The following WDR59 variants were observed in gnomAD, a reference collection of about 807,000 sequenced individuals.
The protein encoded by WDR59 is GATOR2 complex protein WDR59.
A neutral mutation model predicts 131.2 loss-of-function variants in WDR59; 100 were observed. The ratio of observed to expected loss-of-function variants is 0.76; its 90% CI spans 0.65 to 0.90. The LOEUF (loss-of-function observed/expected upper bound fraction) is 0.90, where lower values mean the gene tolerates loss of function less well. Among genes scored for constraint, WDR59 ranks in the 40% least tolerant of loss-of-function variants. WDR59 has a pLI of 0.00. For missense variants in WDR59, 1,203 were observed against 1,262.2 expected, an observed-to-expected ratio of 0.95 and a Z score of 0.71; for synonymous variants, 601 against 466.2, an observed-to-expected ratio of 1.29 and a Z score of -3.72.
rs1965767197 is a variant in WDR59, at chr16:74,905,592, G to A, written c.1713-1492C>T. Reference sequence around the variant, plus strand: ...AGCTACTCGGGAGGCTGAGGCAGAAGAATGGCATCAACCTGAGAGGTGGAG... The same window carrying A: ...AGCTACTCGGGAGGCTGAGGCAGAAAAATGGCATCAACCTGAGAGGTGGAG... On this transcript the variant is annotated intron_variant, in intron 17 of 25. Transcript: ENST00000262144. 1.3e-5 allele frequency among the ~76,000 whole-genome samples: 2 copies of A among 151,506 alleles called. 1 individual carries two copies. Among genetic ancestry groups the A allele is most frequent in the Admixed American group, 1.3e-4 (2 of 15,208 alleles).
At chr16:74,902,868 G>C (rs188971999) in intron 18 of WDR59, among the ~76,000 whole-genome samples, 61 of 152,090 alleles carry the variant, frequency 4.0e-4, no homozygotes, top group Non-Finnish European at 2.9e-5. Flanking sequence ...TAGCCAAGTG[G>C]GCAGAATTCC....
At chr16:74,935,251 G>A (rs1172331714) in intron 8 of WDR59, among the ~76,000 whole-genome samples, 2 of 151,864 alleles carry the variant, frequency 1.3e-5, no homozygotes, top group Admixed American at 1.3e-4. Flanking sequence ...AATGTACCAA[G>A]TGACTATGTC....
chr16:74,940,380 CAA>C (rs1171260871), intron 7 of WDR59, among the ~76,000 whole-genome samples: 3 of 101,498 alleles, frequency 3.0e-5, no homozygotes, highest in Admixed American at 1.1e-4. Flanking sequence ...CTCTGTCTCC[CAA>C]AAAAAAAAAA....
intron 1 of WDR59, among the ~76,000 whole-genome samples, chr16:74,971,428 T>A (rs2033979074): frequency 1.0e-5 from 1 of 97,632 alleles, no homozygotes; most frequent in Non-Finnish European, 2.1e-5. Flanking sequence ...TTTCCTTCCT[T>A]TTTTTTTTTT....
intron 3 of WDR59, among the ~76,000 whole-genome samples, chr16:74,952,075 T>C (rs1232592339): frequency 6.6e-6 from 1 of 151,670 alleles, no homozygotes. Flanking sequence ...CCTCAGAGTC[T>C]AGGATAGCTG....
At chr16:74,959,592 T>C (rs181839094) in intron 2 of WDR59, 1 of 437,760 alleles carries the variant, frequency 2.3e-6, no homozygotes, top group Admixed American at 2.5e-5. Flanking sequence ...CAAGACCTTA[T>C]CTGCATAAAG....
intron 2 of WDR59, chr16:74,962,933 A>T (rs1313105074): frequency 6.6e-6 from 1 of 151,700 alleles, no homozygotes; most frequent in Non-Finnish European, 1.5e-5. Flanking sequence ...ATTATAGGGT[A>T]TGTACCCAGA....
intron 1 of WDR59, among the ~76,000 whole-genome samples, chr16:74,970,100 T>C (rs561978474): frequency 6.6e-6 from 1 of 152,152 alleles, no homozygotes; most frequent in Non-Finnish European, 1.5e-5. Context: ...ATTTTTTGTA[T>C]TTTTGGTAGA....
At chr16:74,954,678 T>C (rs1184161883) in intron 3 of WDR59, among the ~76,000 whole-genome samples, 1 of 152,144 alleles carries the variant, frequency 6.6e-6, no homozygotes, top group East Asian at 1.9e-4. Context: ...AACAAGTACC[T>C]CCACACATAT....
chr16:74,949,079 G>A (rs768787294), intron 5 of WDR59, among the ~76,000 whole-genome samples: 4 of 151,932 alleles, frequency 2.6e-5, no homozygotes, highest in African/African-American at 9.7e-5. Flanking sequence ...CAACACTTTG[G>A]GACACCAAGG....
intron 25 of WDR59, among the ~76,000 whole-genome samples, chr16:74,879,546 T>C (rs746227096): frequency 6.6e-6 from 1 of 152,166 alleles, no homozygotes; most frequent in Non-Finnish European, 1.5e-5. Flanking sequence ...TGAATACAAC[T>C]GATGGAAAAA....
rs116722721 is a variant in WDR59, at chr16:74,925,902, T to C, written c.652-1899A>G. Among the ~76,000 whole-genome samples, 584 of 151,524 alleles carry C rather than the reference T, an allele frequency of 3.9e-3. 2 individuals carry two copies. The highest frequency in any genetic ancestry group is 0.013 in the African/African-American group (543 of 41,220). On this transcript the variant is annotated intron_variant, in intron 8 of 25. Transcript: ENST00000262144. ...TGGGAGGCTGAAGTGGGAGGAATGA[T>C]TGAGTCAAGGGGTTCAAGGTTACAG...
chr16:74,925,194 A>G (rs548952351), intron 8 of WDR59, among the ~76,000 whole-genome samples: 11 of 152,296 alleles, frequency 7.2e-5, no homozygotes, highest in African/African-American at 2.4e-4. Flanking sequence ...AACAACTTAG[A>G]TGACTCTTAA....
rs1965983555 is a variant in WDR59, at chr16:74,909,593, G to A, written c.1550C>T (p.Pro517Leu). 19 of 1,609,808 alleles carry A rather than the reference G, an allele frequency of 1.2e-5. No individual in the cohort carries two copies. The highest frequency in any genetic ancestry group is 2.2e-5 in the East Asian group (1 of 44,756). ...AGCCGTGGTCACCCGCGCAAACGTCGGTAAGGGGGGAGTGACAGAGTTGGG... is the reference window on the plus strand; with the variant it reads ...AGCCGTGGTCACCCGCGCAAACGTCAGTAAGGGGGGAGTGACAGAGTTGGG... ...ALPNSVTPPLPTFARVTTAYG... is the reference protein window; with the variant it reads ...ALPNSVTPPLLTFARVTTAYG... Residue 517 changes from proline (P) to leucine (L), a missense_variant, in exon 16 of 26, where the codon CCG becomes CTG. Pro to Leu is a moderately conservative substitution (Grantham distance 98). Coordinates refer to ENST00000262144, the MANE Select transcript of WDR59 (RefSeq NM_030581.4).
rs1567453418 is a variant in WDR59 at position 74,985,006 on chromosome 16, T to C, written c.12A>G (p.Arg4=). 2 of 1,587,614 alleles carry C rather than the reference T, an allele frequency of 1.3e-6. No individual in the cohort carries two copies. The highest frequency in any genetic ancestry group is 1.7e-6 in the Non-Finnish European group (2 of 1,166,964). Residue 4 remains arginine, a synonymous_variant, in exon 1 of 26, where the codon CGA becomes CGG. Transcript: ENST00000262144. MAA[R]WSSENVVVEF... ...CTACAACCACGTTTTCGCTGCTCCA[T>C]CGCGCCGCCATCTCCCCCGCCCGGC...
intron 1 of WDR59, among the ~76,000 whole-genome samples, chr16:74,978,320 C>CAAAAAA (rs1182301591): frequency 3.7e-5 from 2 of 53,508 alleles, no homozygotes; most frequent in African/African-American, 7.8e-5. Flanking sequence ...GACTCTGTCT[C>CAAAAAA]AAAAAAAAAA....
intron 8 of WDR59, among the ~76,000 whole-genome samples, chr16:74,928,738 T>C (rs921673942): frequency 6.6e-5 from 10 of 151,852 alleles, no homozygotes; most frequent in Admixed American, 1.3e-4. Flanking sequence ...CCTGTCTCAA[T>C]TGAAAAAAGA....
In WDR59 at chr16:74,949,583, T is replaced by C. The variant is rs548310293; in HGVS notation, c.407+135A>G. The C allele has an allele frequency of 7.6e-5, 53 of 694,502 alleles. No homozygotes were observed. The East Asian group carries it at 1.5e-3, about 20-fold the overall frequency. The allele number at this position is 694,502 out of a possible 1,614,324, so 43.0% of individuals were successfully genotyped here. ...GTGTCTTTCACTCTCAAATAATATA[T>C]TTGCGCTCAAATCTCTCACTCAAAC... is the stretch of plus-strand genomic sequence containing the variant. On this transcript the variant is annotated intron_variant, in intron 5 of 25. Transcript: ENST00000262144.
chr16:74,886,767 A>G (rs1197446328), intron 23 of WDR59, among the ~76,000 whole-genome samples: 6 of 152,032 alleles, frequency 3.9e-5, no homozygotes, highest in Non-Finnish European at 8.8e-5. Flanking sequence ...TTAAAAAAAT[A>G]CAAAAATTAG....
Sources: gnomAD v4.1 joint callset for allele counts (sites outside exome capture counted in the v4.1 genomes callset) on GRCh38, gnomAD v4.1.1 for gene constraint, MANE v1.5 for transcripts, NCBI Gene and HGNC (gene_info 2026-07-23, HGNC 2026-07-21) for gene names.